TRIM58: variants seen among roughly 807,000 people sequenced by gnomAD.
The protein encoded by TRIM58 is tripartite motif containing 58.
Under a neutral mutation model 34.1 loss-of-function variants are expected in TRIM58, and 38 were observed. The ratio of observed to expected loss-of-function variants is 1.12; its 90% CI spans 0.86 to 1.46. TRIM58 has a LOEUF of 1.46. Among genes scored for constraint, TRIM58 ranks in the 40% most tolerant of loss-of-function variants. The pLI is 0.00. For missense variants in TRIM58, 677 were observed against 642.0 expected, an observed-to-expected ratio of 1.05 and a Z score of -0.59; for synonymous variants, 273 against 275.7, an observed-to-expected ratio of 0.99 and a Z score of 0.10.
rs149680773 is a variant in TRIM58 at position 247,857,362 on chromosome 1, G to A, written c.116G>A (p.Cys39Tyr). ...TGCGGCCACAGCTTCTGCCTCAGGTGCATCTCCGAGTTCTGCGAGAAGTCG... is the reference window on the plus strand; with the variant it reads ...TGCGGCCACAGCTTCTGCCTCAGGTACATCTCCGAGTTCTGCGAGAAGTCG... The part of the protein sequence containing the change: ...VDCGHSFCLR[C>Y]ISEFCEKSDG... The change falls in exon 1 of 6, where the codon TGC becomes TAC. Residue 39 changes from cysteine to tyrosine, a missense_variant. Coordinates refer to ENST00000366481, the MANE Select transcript of TRIM58 (RefSeq NM_015431.4). 7 of 1,523,540 alleles carry A rather than the reference G, an allele frequency of 4.6e-6. No homozygotes were observed. The highest frequency in any genetic ancestry group is 6.2e-6 in the Non-Finnish European group (7 of 1,134,120). The allele number at this position is 1,523,540 out of a possible 1,614,324, so 94.4% of individuals were successfully genotyped here. A position where few individuals can be genotyped will look rare whatever the true frequency, so the allele number is the denominator to read the frequency against.
At chr1:247,871,956 A>G (rs750310951) in intron 5 of TRIM58, among the ~76,000 whole-genome samples, 2 of 152,204 alleles carry the variant, frequency 1.3e-5, no homozygotes, top group Non-Finnish European at 2.9e-5. Context: ...CCCAGCAAAT[A>G]TATGATCTGG....
chr1:247,875,471 T>C (rs999912178), intron 5 of TRIM58, among the ~76,000 whole-genome samples: 1 of 151,916 alleles, frequency 6.6e-6, no homozygotes, highest in African/African-American at 2.4e-5. Context: ...GAGGCTGTAG[T>C]GTACCACGGC....
chr1:247,858,955 C>T (rs1663709770), intron 1 of TRIM58, among the ~76,000 whole-genome samples: 1 of 151,604 alleles, frequency 6.6e-6, no homozygotes, highest in South Asian at 2.1e-4. Context: ...TTAGTAGAGA[C>T]GGGGTTTCAC....
In TRIM58 at chr1:247,857,446, C is replaced by T; in HGVS notation, c.200C>T (p.Ser67Leu). The change falls in exon 1 of 6, where the codon TCG becomes TTG. Residue 67 changes from serine (S) to leucine (L), a missense_variant. Transcript: ENST00000366481. ...CAGTGCCGGGGCCCCTTCCGGCCCT[C>T]GGGCTTTCGCCCCAACCGGCAGCTG... ...CPQCRGPFRP[S>L]GFRPNRQLAG... The T allele has an allele frequency of 7.0e-6, 10 of 1,420,228 alleles. No individual in the cohort carries two copies. Among genetic ancestry groups the T allele is most frequent in the Non-Finnish European group, 9.3e-6 (10 of 1,079,362 alleles). 88.0% of individuals were successfully genotyped at this position (1,420,228 alleles called of 1,614,324 possible). A position where few individuals can be genotyped will look rare whatever the true frequency, so the allele number is the denominator to read the frequency against.
At position 247,864,849 on chromosome 1, in the gene TRIM58, C is replaced by G; in HGVS notation, c.661C>G (p.Arg221Gly). ...TLQRLRESKSRLVQQSKALKE... is the reference protein window; with the variant it reads ...TLQRLRESKSGLVQQSKALKE... Reference sequence around the variant, plus strand: ...GCAGAGACTGCGGGAGAGCAAGAGCCGGCTGGTCCAGCAGAGCAAGGCCCT... The same window carrying G: ...GCAGAGACTGCGGGAGAGCAAGAGCGGGCTGGTCCAGCAGAGCAAGGCCCT... Residue 221 changes from arginine to glycine, a missense_variant, in exon 3 of 6, where the codon CGG becomes GGG. Physicochemically the swap from Arg to Gly is moderately radical, Grantham distance 125. Coordinates refer to ENST00000366481, the MANE Select transcript of TRIM58 (RefSeq NM_015431.4). 6.2e-7 allele frequency: 1 copy of G among 1,612,660 alleles called. No homozygotes were observed. The highest frequency in any genetic ancestry group is 8.5e-7 in the Non-Finnish European group (1 of 1,179,756).
chr1:247,878,549 G>A lies in TRIM58; in HGVS notation c.*2060G>A, dbSNP rs939915730. On this transcript the variant is annotated 3_prime_UTR_variant, in exon 6 of 6. Transcript: ENST00000366481. ...TGTTCCACAGGCCATGTGTGCCCTA[G>A]CCCTCGTTCATGCAAGGTCTGTGTA... Among the ~76,000 whole-genome samples the A allele has an allele frequency of 6.6e-6, 1 of 152,196 alleles. No individual in the cohort carries two copies. Among genetic ancestry groups the A allele is most frequent in the Admixed American group, 6.5e-5 (1 of 15,272 alleles).
chr1:247,876,330 C>T lies in TRIM58; in HGVS notation c.1302C>T (p.Tyr434=). The change falls in exon 6 of 6, where the codon TAC becomes TAT. Residue 434 remains tyrosine (Y), a synonymous_variant. Coordinates refer to ENST00000366481, the MANE Select transcript of TRIM58 (RefSeq NM_015431.4). The stretch of plus-strand genomic sequence containing the variant: ...ATGTCACAGATGGATCTTATATCTA[C>T]ACATTCAACCAACTCTTCTCTGGTC... The part of the protein sequence containing the change: ...FYNVTDGSYI[Y]TFNQLFSGLL... 6.2e-7 allele frequency: 1 copy of T among 1,614,222 alleles called. No homozygotes were observed. The highest frequency in any genetic ancestry group is 8.5e-7 in the Non-Finnish European group (1 of 1,180,052).
chr1:247,872,156 T>A (rs914759646), intron 5 of TRIM58, among the ~76,000 whole-genome samples: 8 of 152,180 alleles, frequency 5.3e-5, no homozygotes, highest in African/African-American at 1.9e-4. Flanking sequence ...CTGAGCGAAA[T>A]AGGACATAGT....
intron 5 of TRIM58, among the ~76,000 whole-genome samples, chr1:247,874,709 C>T (rs539078860): frequency 6.6e-6 from 1 of 152,232 alleles, no homozygotes; most frequent in Admixed American, 6.5e-5. Context: ...AGCTTATGTG[C>T]TTAAAGCCAT....
intron 2 of TRIM58, among the ~76,000 whole-genome samples, chr1:247,863,946 A>G (rs76746785): frequency 0.021 from 3,161 of 152,240 alleles, 107 homozygotes; most frequent in African/African-American, 0.072. Context: ...CTATTACCAT[A>G]TTATGAAACA....
intron 2 of TRIM58, among the ~76,000 whole-genome samples, chr1:247,862,935 C>T (rs189628170): frequency 8.7e-4 from 133 of 152,292 alleles, no homozygotes; most frequent in African/African-American, 3.0e-3. Context: ...CACACCCCCT[C>T]GTGCCCCAGG....
At position 247,860,693 on chromosome 1, in the gene TRIM58, A is replaced by G. The variant is rs1325984486; in HGVS notation, c.497A>G (p.Lys166Arg). ...DALTQEANVG[K>R]KTVIWKEKVE... ...TTGACTCAGGAGGCCAACGTGGGGA[A>G]AAAGACTGTCATTTGGAAGGTAAGA... Residue 166 changes from lysine to arginine, a missense_variant, in exon 2 of 6, where the codon AAA becomes AGA. Physicochemically the swap from Lys to Arg is conservative, Grantham distance 26. Coordinates refer to ENST00000366481, the MANE Select transcript of TRIM58 (RefSeq NM_015431.4). The G allele has an allele frequency of 6.2e-7, 1 of 1,613,634 alleles. No individual in the cohort carries two copies.
Position 247,864,832 on chromosome 1 carries a change from T to C in TRIM58, c.644T>C (p.Leu215Pro), listed in dbSNP as rs749714512. The change falls in exon 3 of 6, where the codon CTG becomes CCG. Residue 215 changes from leucine to proline, a missense_variant. Physicochemically the swap from Leu to Pro is moderately conservative, Grantham distance 98. Coordinates refer to ENST00000366481, the MANE Select transcript of TRIM58 (RefSeq NM_015431.4). ...EAEERATLQRLRESKSRLVQQ... is the reference protein window; with the variant it reads ...EAEERATLQRPRESKSRLVQQ... ...GAGGAGCGAGCGACGCTGCAGAGACTGCGGGAGAGCAAGAGCCGGCTGGTC... is the reference window on the plus strand; with the variant it reads ...GAGGAGCGAGCGACGCTGCAGAGACCGCGGGAGAGCAAGAGCCGGCTGGTC... The C allele has an allele frequency of 6.2e-7, 1 of 1,613,476 alleles. No individual in the cohort carries two copies. Among genetic ancestry groups the C allele is most frequent in the Non-Finnish European group, 8.5e-7 (1 of 1,179,946 alleles).
intron 3 of TRIM58, among the ~76,000 whole-genome samples, chr1:247,867,467 G>T (rs1362886255): frequency 6.6e-6 from 1 of 152,152 alleles, no homozygotes; most frequent in Non-Finnish European, 1.5e-5. Context: ...GCTGAGGTGG[G>T]TGGATCACCT....
Position 247,877,302 on chromosome 1 carries a change from G to A in TRIM58, c.*813G>A, listed in dbSNP as rs1254293909. ...TTATAAGACCTTAAGGCTGGGTGCA[G>A]TGGCTCACGCCTGTAATCCCAGCAC... On this transcript the variant is annotated 3_prime_UTR_variant, in exon 6 of 6. Transcript: ENST00000366481. 2.0e-5 allele frequency: 3 copies of A among 152,122 alleles called. No homozygotes were observed. The highest frequency in any genetic ancestry group is 7.2e-5 in the African/African-American group (3 of 41,418). The allele number at this position is 152,122 out of a possible 1,614,324, so 9.4% of individuals were successfully genotyped here.
chr1:247,869,151 C>T (rs1279203579), intron 5 of TRIM58, among the ~76,000 whole-genome samples: 2 of 152,222 alleles, frequency 1.3e-5, no homozygotes, highest in African/African-American at 2.4e-5. Context: ...CTGCCTGCCT[C>T]GGCCTCCTAA....
Position 247,857,212 on chromosome 1 carries a change from G to A in TRIM58, c.-35G>A, listed in dbSNP as rs1663647426. The A allele has an allele frequency of 7.7e-7, 1 of 1,306,896 alleles. No individual in the cohort carries two copies. Among genetic ancestry groups the A allele is most frequent in the East Asian group, 3.1e-5 (1 of 31,898 alleles). The allele number at this position is 1,306,896 out of a possible 1,614,324, so 81.0% of individuals were successfully genotyped here. On this transcript the variant is annotated 5_prime_UTR_variant, in exon 1 of 6. Transcript: ENST00000366481. ...GCAGACCGCGAGGGGAGACGGTGCG[G>A]GCGGCCGGGAGCGCAGCCCTCCGGG...
In TRIM58 at chr1:247,878,442, T is replaced by C. The variant is rs1035743354; in HGVS notation, c.*1953T>C. 1.3e-5 allele frequency among the ~76,000 whole-genome samples: 2 copies of C among 152,218 alleles called. No individual in the cohort carries two copies. The highest frequency in any genetic ancestry group is 2.9e-5 in the Non-Finnish European group (2 of 68,036). On this transcript the variant is annotated 3_prime_UTR_variant, in exon 6 of 6. Transcript: ENST00000366481. ...CCTTCTTCCTAGATTTTTTAATTGT[T>C]TGATCATGAGCGAACACTTCTACTC...
At chr1:247,859,973 T>C (rs115134407) in intron 1 of TRIM58, among the ~76,000 whole-genome samples, 4,486 of 152,226 alleles carry the variant, frequency 0.029, 99 homozygotes, top group Admixed American at 0.04. Context: ...TGTTGTTTTG[T>C]AAAATATTTT....
Sources: gnomAD v4.1 joint callset for allele counts (sites outside exome capture counted in the v4.1 genomes callset) on GRCh38, gnomAD v4.1.1 for gene constraint, MANE v1.5 for transcripts, NCBI Gene and HGNC (gene_info 2026-07-23, HGNC 2026-07-21) for gene names.